HHATL: variants seen among roughly 807,000 people sequenced by gnomAD.
HHATL encodes the protein protein-cysteine N-palmitoyltransferase HHAT-like protein.
HHATL carries 49 observed loss-of-function variants against 59.7 expected under a neutral mutation model. The observed-to-expected ratio is 0.82, with a 90% CI of 0.65 to 1.04. The LOEUF is 1.04. Ranked by LOEUF, HHATL falls within the 50% of genes least tolerant of loss-of-function variation. The pLI is 0.00. For synonymous variants in HHATL, 238 were observed against 257.3 expected (o/e 0.93, Z 0.72); for missense variants, 605 against 650.8 (o/e 0.93, Z 0.77).
chr3:42,692,976 A>T, intron 11 of HHATL, 101 bp from the exon 12 acceptor site: 1 of 1,583,808 alleles, frequency 6.3e-7, no homozygotes, highest in Non-Finnish European at 8.7e-7. Context: ...CTCCCTTCTG[A>T]GTCCCAGGGG....
At chr3:42,698,431 C>A in intron 5 of HHATL, 80 bp from the exon 6 acceptor site, 3 of 1,306,450 alleles carry the variant, frequency 2.3e-6, no homozygotes, top group Non-Finnish European at 2.1e-6. Flanking sequence ...TCCCTAGCTT[C>A]CCACAGGGGC....
rs1225594887 is a variant in HHATL, at chr3:42,698,915, A to G, written c.289-13T>C. On this transcript the variant is annotated splice_polypyrimidine_tract_variant and intron_variant, in intron 4 of 11. Coordinates refer to ENST00000441594, the MANE Select transcript of HHATL (RefSeq NM_020707.4). ...TCCAGGAGCGGAGCTGTGGGCAGGG[A>G]GAAGGCTTCAGTTTCGCCATATAAA... 4 of 1,603,770 alleles carry G rather than the reference A, an allele frequency of 2.5e-6. 1 individual carries two copies. In the South Asian group the frequency reaches 4.5e-5, roughly 18 times the overall value.
chr3:42,698,818 G>A lies in HHATL; in HGVS notation c.373C>T (p.His125Tyr). The change falls in exon 5 of 12, where the codon CAC becomes TAC. Residue 125 changes from histidine (H) to tyrosine (Y), a missense_variant. Coordinates refer to ENST00000441594, the MANE Select transcript of HHATL (RefSeq NM_020707.4). ...GAGGCCACATAGAGGCCCACACAGTGACCAAGCAGCAGCAGCAGGTACCAA... is the reference window on the plus strand; with the variant it reads ...GAGGCCACATAGAGGCCCACACAGTAACCAAGCAGCAGCAGCAGGTACCAA... Reference protein sequence around the residue: ...GPWYLLLLLGHCVGLYVASLL... With the variant: ...GPWYLLLLLGYCVGLYVASLL... 1.2e-6 allele frequency: 2 copies of A among 1,613,968 alleles called. No individual in the cohort carries two copies. Among genetic ancestry groups the A allele is most frequent in the Non-Finnish European group, 1.7e-6 (2 of 1,179,942 alleles).
chr3:42,693,643 C>G lies in HHATL; in HGVS notation c.1222G>C (p.Glu408Gln). ...TCAATTCGTGCTAGGGGCCCCCACT[C>G]TGCCAGTTTTTGCATCCAGAGCTCA... Reference protein sequence around the residue: ...NFELWMQKLAEWGPLARIEAS... With the variant: ...NFELWMQKLAQWGPLARIEAS... The change falls in exon 10 of 12, where the codon GAG becomes CAG. Residue 408 changes from glutamate (E) to glutamine (Q), a missense_variant. Glu to Gln is a conservative substitution (Grantham distance 29). Transcript: ENST00000441594. 2 of 1,614,162 alleles carry G rather than the reference C, an allele frequency of 1.2e-6. No individual in the cohort carries two copies. The highest frequency in any genetic ancestry group is 1.7e-6 in the Non-Finnish European group (2 of 1,180,016).
intron 5 of HHATL, 31 bp from the exon 6 acceptor site, chr3:42,698,382 A>C: frequency 2.1e-4 from 330 of 1,589,844 alleles, no homozygotes; most frequent in Non-Finnish European, 2.6e-4. Flanking sequence ...CCACCAGCTC[A>C]CTAGGGTGCC....
chr3:42,695,100 T>C (rs900705760), intron 9 of HHATL, among the ~76,000 whole-genome samples: 1 of 152,136 alleles, frequency 6.6e-6, no homozygotes, highest in African/African-American at 2.4e-5. Flanking sequence ...TTCCTCGACC[T>C]CCTCATTTCC....
chr3:42,692,863 G>A lies in HHATL; in HGVS notation c.1403C>T (p.Thr468Ile). Residue 468 changes from threonine to isoleucine, a missense_variant, in exon 12 of 12, where the codon ACC becomes ATC. Thr to Ile is a moderately conservative substitution (Grantham distance 89, BLOSUM62 -1). Coordinates refer to ENST00000441594, the MANE Select transcript of HHATL (RefSeq NM_020707.4). ...GGTGACAAACAGGATGGACAGCGTG[G>A]TCTGGGGGAACCCTGTGTGGGGAGG... Reference protein sequence around the residue: ...RRLLLTGFPQTTLSILFVTYC... With the variant: ...RRLLLTGFPQITLSILFVTYC... The A allele has an allele frequency of 1.2e-6, 2 of 1,614,224 alleles. No homozygotes were observed. The highest frequency in any genetic ancestry group is 3.3e-5 in the Admixed American group (2 of 60,026).
At chr3:42,696,783 TG>T in intron 9 of HHATL, 58 bp downstream of exon 9, 1 of 1,585,046 alleles carries the variant, frequency 6.3e-7, no homozygotes, top group Non-Finnish European at 8.6e-7. Flanking sequence ...ATCTTGGCAC[TG>T]CCCTGCTCAG....
chr3:42,697,010 A>G lies in HHATL; in HGVS notation c.1001T>C (p.Phe334Ser). 1.2e-6 allele frequency: 2 copies of G among 1,607,842 alleles called. No homozygotes were observed. The highest frequency in any genetic ancestry group is 1.7e-6 in the Non-Finnish European group (2 of 1,176,370). ...PPKCITALYV[F>S]AETHFDRGIN... Reference sequence around the variant, plus strand: ...CCTGGCCAGCACTCACGTTTCCGCAAAGACGTAGAGTGCGGTGATGCACTT... The same window carrying G: ...CCTGGCCAGCACTCACGTTTCCGCAGAGACGTAGAGTGCGGTGATGCACTT... The change falls in exon 8 of 12, where the codon TTT becomes TCT. Residue 334 changes from phenylalanine to serine, a missense_variant. Phe to Ser is a radical substitution (Grantham distance 155). Coordinates refer to ENST00000441594, the MANE Select transcript of HHATL (RefSeq NM_020707.4).
chr3:42,698,724 G>T lies in HHATL; in HGVS notation c.467C>A (p.Pro156His), dbSNP rs769107852. 1.3e-6 allele frequency: 2 copies of T among 1,578,474 alleles called. No homozygotes were observed. Among genetic ancestry groups the T allele is most frequent in the African/African-American group, 2.7e-5 (2 of 73,348 alleles). The change falls in exon 5 of 12, where the codon CCC (proline) becomes CAC (histidine). Residue 156 changes from proline (P) to histidine (H), a missense_variant. Transcript: ENST00000441594. ...LASLASFKMD[P>H]LISWQSGFVT... ...AGTTCACACCTGCCAAGAGATTAGGGGGTCCATCTTGAAGGAGGCCAGGCT... is the reference window on the plus strand; with the variant it reads ...AGTTCACACCTGCCAAGAGATTAGGTGGTCCATCTTGAAGGAGGCCAGGCT...
intron 2 of HHATL, among the ~76,000 whole-genome samples, chr3:42,700,444 C>CTGTG (rs33966867): frequency 9.6e-5 from 14 of 146,498 alleles, no homozygotes; most frequent in South Asian, 8.7e-4. Flanking sequence ...GTCCAGGCCT[C>CTGTG]TGTGTGTGTG....
At chr3:42,695,345 C>G (rs1292776630) in intron 9 of HHATL, among the ~76,000 whole-genome samples, 1 of 152,168 alleles carries the variant, frequency 6.6e-6, no homozygotes, top group African/African-American at 2.4e-5. Flanking sequence ...ATCTAAAAAC[C>G]CTTATTCCTG....
At position 42,692,782 on chromosome 3, in the gene HHATL, T is replaced by G. The variant is rs1044015362; in HGVS notation, c.1484A>C (p.Glu495Ala). 1.2e-6 allele frequency: 2 copies of G among 1,614,142 alleles called. No homozygotes were observed. The highest frequency in any genetic ancestry group is 3.3e-5 in the Admixed American group (2 of 60,018). The part of the protein sequence containing the change: ...ERERTLALEE[E>A]QKQDKEKPE ...CGGCTTCTCTTTGTCCTGCTTCTGC[T>G]CCTCCTCCAGTGCCAAGGTTCGCTC... Residue 495 changes from glutamate (E) to alanine (A), a missense_variant, in exon 12 of 12, where the codon GAG becomes GCG. By Grantham distance (107) the Glu-to-Ala change is moderately radical. Transcript: ENST00000441594.
rs113329939 is a variant in HHATL at position 42,698,899 on chromosome 3, G to A, written c.292C>T (p.Arg98Cys). Residue 98 changes from arginine to cysteine, a missense_variant, in exon 5 of 12, where the codon CGC (arginine) becomes TGC (cysteine). By Grantham distance (180) the Arg-to-Cys change is radical. Transcript: ENST00000441594. Reference sequence around the variant, plus strand: ...CCGTACACAGCATACATCCAGGAGCGGAGCTGTGGGCAGGGAGAAGGCTTC... The same window carrying A: ...CCGTACACAGCATACATCCAGGAGCAGAGCTGTGGGCAGGGAGAAGGCTTC... ...KLCTMVAPKL[R>C]SWMYAVYGAL... The A allele has an allele frequency of 1.2e-5, 20 of 1,605,494 alleles. No homozygotes were observed. The highest frequency in any genetic ancestry group is 7.8e-5 in the South Asian group (7 of 89,928).
chr3:42,696,962 C>T (rs1157646489), intron 8 of HHATL, 39 bp downstream of exon 8: 1 of 1,613,238 alleles, frequency 6.2e-7, no homozygotes, highest in Non-Finnish European at 8.5e-7. Context: ...AAGGTGTGGT[C>T]CCAGGGGGTG....
rs781627184 is a variant in HHATL, at chr3:42,697,149, G to A, written c.866-4C>T. 6.6e-7 allele frequency: 1 copy of A among 1,519,262 alleles called. No individual in the cohort carries two copies. Among genetic ancestry groups the A allele is most frequent in the Non-Finnish European group, 8.8e-7 (1 of 1,133,348 alleles). The allele number at this position is 1,519,262 out of a possible 1,614,324, so 94.1% of individuals were successfully genotyped here. A position where few individuals can be genotyped will look rare whatever the true frequency, so the allele number is the denominator to read the frequency against. ...AGGTTTGAATAGGCTAGGCCAGCTG[G>A]GGGCAGGGCACTGTCACTGCCTGGG... On this transcript the variant is annotated splice_polypyrimidine_tract_variant and splice_region_variant and intron_variant, in intron 7 of 11. Coordinates refer to ENST00000441594, the MANE Select transcript of HHATL (RefSeq NM_020707.4).
intron 6 of HHATL, 46 bp from the exon 7 acceptor site, chr3:42,697,725 G>A (rs1697699440): frequency 6.3e-7 from 1 of 1,584,630 alleles, no homozygotes; most frequent in African/African-American, 1.3e-5. Flanking sequence ...GCCCTGCCTG[G>A]GGAGCCCTGT....
In HHATL at chr3:42,698,688, A is replaced by C; in HGVS notation, c.483+20T>G. On this transcript the variant is annotated intron_variant, in intron 5 of 11. Coordinates refer to ENST00000441594, the MANE Select transcript of HHATL (RefSeq NM_020707.4). ...TTGGGATCTTATCCCTACACCCTCT[A>C]CCCCTGCACCAGTTCACACCTGCCA... The C allele has an allele frequency of 2.6e-6, 4 of 1,536,734 alleles. No homozygotes were observed. The highest frequency in any genetic ancestry group is 3.5e-6 in the Non-Finnish European group (4 of 1,146,914).
At chr3:42,697,820 C>A (rs1469360089) in intron 6 of HHATL, 141 bp from the exon 7 acceptor site, 1 of 900,468 alleles carries the variant, frequency 1.1e-6, no homozygotes, top group African/African-American at 1.7e-5. Context: ...ACAGAGGTCA[C>A]CCTGGAGTCT....
Sources: allele counts gnomAD v4.1 joint callset (sites outside exome capture counted in the v4.1 genomes callset), GRCh38; gene constraint gnomAD v4.1.1; transcripts MANE v1.5; gene names NCBI Gene and HGNC (gene_info 2026-07-23, HGNC 2026-07-21).